Variants in EYS observed in about 807,000 individuals in gnomAD.
The protein encoded by EYS is EGF-like photoreceptor maintenance factor.
Under a neutral mutation model 282.1 loss-of-function variants are expected in EYS, and 250 were observed. That is an observed-to-expected ratio of 0.89 (90% CI 0.80 to 0.98). The LOEUF (loss-of-function observed/expected upper bound fraction) is 0.98, where lower values mean the gene tolerates loss of function less well. Among genes scored for constraint, EYS ranks in the 50% least tolerant of loss-of-function variants. The probability of loss-of-function intolerance (pLI) is 0.00; values close to 1 mark genes in which losing one functional copy is unlikely to be tolerated. For missense variants in EYS, 4,016 were observed against 3,709.0 expected, an observed-to-expected ratio of 1.08 and a Z score of -2.15; for synonymous variants, 1,355 against 1,282.9, an observed-to-expected ratio of 1.06 and a Z score of -1.20.
Position 64,815,107 on chromosome 6 carries a change from T to C in EYS, c.3244-1530A>G, listed in dbSNP as rs369422920. ...AAATGAATTGTGCACTTCAGTATAA[T>C]ATTCCAGTCATGCCTGGAACTTAGA... On this transcript the variant is annotated intron_variant, in intron 21 of 42. Coordinates refer to ENST00000503581, the MANE Select transcript of EYS (RefSeq NM_001142800.2). 1.2e-3 allele frequency: 364 copies of C among 301,094 alleles called. 6 individuals are homozygous for C. Among genetic ancestry groups the C allele is most frequent in the African/African-American group, 7.4e-3 (330 of 44,842 alleles). 18.7% of individuals were successfully genotyped at this position (301,094 alleles called of 1,614,324 possible).
intron 22 of EYS, among the ~76,000 whole-genome samples, chr6:64,793,604 A>G (rs1445760328): frequency 6.6e-6 from 1 of 152,202 alleles, no homozygotes; most frequent in African/African-American, 2.4e-5. Flanking sequence ...TAAATGTTGT[A>G]GCTACCTTTT....
At chr6:65,650,917 T>C (rs1767629162) in intron 1 of EYS, among the ~76,000 whole-genome samples, 1 of 152,182 alleles carries the variant, frequency 6.6e-6, no homozygotes, top group South Asian at 2.1e-4. Context: ...TTATCATTCA[T>C]CAACACCATA....
chr6:63,898,523 T>TA (rs1773589790), intron 35 of EYS, among the ~76,000 whole-genome samples: 1 of 151,564 alleles, frequency 6.6e-6, no homozygotes, highest in African/African-American at 2.4e-5. Context: ...ATAAATAAAA[T>TA]AAAAAATGAG....
chr6:64,027,027 G>T (rs1175598396), intron 33 of EYS, among the ~76,000 whole-genome samples: 1 of 152,168 alleles, frequency 6.6e-6, no homozygotes, highest in Non-Finnish European at 1.5e-5. Flanking sequence ...TTAATGAAAA[G>T]AATGCGGCTT....
At position 65,184,857 on chromosome 6, in the gene EYS, T is replaced by C. The variant is rs1346464386; in HGVS notation, c.2023+111006A>G. ...AAATCTACCCCATTTCTAGGAAATG[T>C]ATTATTAAAATATGATAAAACGTTT... is the stretch of plus-strand genomic sequence containing the variant. On this transcript the variant is annotated intron_variant, in intron 12 of 42. Transcript: ENST00000503581. Among the ~76,000 whole-genome samples the C allele has an allele frequency of 2.0e-5, 3 of 151,660 alleles. No homozygotes were observed. In the Admixed American group the frequency reaches 2.0e-4, roughly 10 times the overall value.
At chr6:63,945,287 G>A (rs1384162255) in intron 35 of EYS, among the ~76,000 whole-genome samples, 3 of 152,050 alleles carry the variant, frequency 2.0e-5, no homozygotes, top group African/African-American at 7.2e-5. Flanking sequence ...AAGCAGGAAG[G>A]CCCTTATAAA....
chr6:63,969,165 A>G (rs1276314583), intron 35 of EYS, among the ~76,000 whole-genome samples: 2 of 152,106 alleles, frequency 1.3e-5, no homozygotes, highest in Non-Finnish European at 2.9e-5. Flanking sequence ...AAGCTTCTTG[A>G]GTATAAGGTT....
chr6:65,287,699 C>T (rs1217052200), intron 12 of EYS, among the ~76,000 whole-genome samples: 2 of 151,290 alleles, frequency 1.3e-5, no homozygotes, highest in Non-Finnish European at 3.0e-5. Context: ...ACACACACTA[C>T]TTTCCATGAG....
chr6:63,815,518 C>A (rs576160389), intron 36 of EYS, among the ~76,000 whole-genome samples: 2 of 152,320 alleles, frequency 1.3e-5, no homozygotes, highest in South Asian at 4.1e-4. Context: ...TACCACTTTA[C>A]TTTCCTCCCA....
rs112070800 is a variant in EYS, at chr6:64,350,636, A to G, written c.6078+38054T>C. Among the ~76,000 whole-genome samples the G allele has an allele frequency of 4.6e-3, 703 of 151,732 alleles. 5 individuals are homozygous for G. Among genetic ancestry groups the G allele is most frequent in the African/African-American group, 0.016 (653 of 41,484 alleles). On this transcript the variant is annotated intron_variant, in intron 29 of 42. Transcript: ENST00000503581. ...GTGACAAGGAAATAGTTGAAAGGAG[A>G]AATAAGTCTCTAAGAAGGATTCAGC...
intron 22 of EYS, among the ~76,000 whole-genome samples, chr6:64,666,142 T>G (rs1269174034): frequency 6.6e-6 from 1 of 152,306 alleles, no homozygotes; most frequent in South Asian, 2.1e-4. Flanking sequence ...TATCGAGGAC[T>G]GAGCTTAATA....
rs1772491064 is a variant in EYS at position 65,028,469 on chromosome 6, A to T, written c.2137+29145T>A. Among the ~76,000 whole-genome samples, 4 of 152,174 alleles carry T rather than the reference A, an allele frequency of 2.6e-5. No homozygotes were observed. The South Asian group carries it at 8.3e-4, about 31-fold the overall frequency. On this transcript the variant is annotated intron_variant, in intron 13 of 42. Transcript: ENST00000503581. The stretch of plus-strand genomic sequence containing the variant: ...TTACATCATCATAGTACAATTACAA[A>T]AACCAATACTATTGACTATAGTTAA...
chr6:64,337,175 A>G (rs1770884453), intron 29 of EYS, among the ~76,000 whole-genome samples: 2 of 152,086 alleles, frequency 1.3e-5, no homozygotes, highest in Admixed American at 1.3e-4. Flanking sequence ...AATACAAAAG[A>G]TAAATGAAAC....
chr6:63,796,230 A>T (rs966649385), intron 37 of EYS, among the ~76,000 whole-genome samples: 2 of 152,166 alleles, frequency 1.3e-5, no homozygotes, highest in Admixed American at 6.5e-5. Context: ...CTTAGGGCGT[A>T]CCCCAGAAAT....
chr6:64,472,781 A>G (rs139977498), intron 26 of EYS, among the ~76,000 whole-genome samples: 68 of 152,288 alleles, frequency 4.5e-4, no homozygotes, highest in African/African-American at 1.6e-3. Context: ...GAGACACAAT[A>G]CAAAGAAGTT....
intron 5 of EYS, among the ~76,000 whole-genome samples, chr6:65,461,406 T>C (rs1244911671): frequency 6.6e-6 from 1 of 152,138 alleles, no homozygotes; most frequent in African/African-American, 2.4e-5. Flanking sequence ...TGTTGATCTT[T>C]GGAGTTCTCT....
chr6:65,332,330 T>C (rs1370419111), intron 11 of EYS: 1 of 745,716 alleles, frequency 1.3e-6, no homozygotes. Flanking sequence ...AAACTTATAT[T>C]CTTACGATAA....
intron 22 of EYS, among the ~76,000 whole-genome samples, chr6:64,657,209 A>G (rs1448897305): frequency 6.6e-6 from 1 of 152,070 alleles, no homozygotes; most frequent in Non-Finnish European, 1.5e-5. Flanking sequence ...TTTGCTTGGT[A>G]GATCTTCCTC....
intron 26 of EYS, among the ~76,000 whole-genome samples, chr6:64,577,874 T>G (rs1429590779): frequency 6.6e-6 from 1 of 152,134 alleles, no homozygotes; most frequent in Admixed American, 6.6e-5. Context: ...TGGTTTGCAT[T>G]ATTTTCCTTT....
Sources: allele counts gnomAD v4.1 joint callset (sites outside exome capture counted in the v4.1 genomes callset), GRCh38; gene constraint gnomAD v4.1.1; transcripts MANE v1.5; gene names NCBI Gene and HGNC (gene_info 2026-07-23, HGNC 2026-07-21).